AK8: variants seen among roughly 807,000 people sequenced by gnomAD.
AK8 encodes the protein ATP-AMP transphosphorylase 8.
In AK8, 44 loss-of-function variants were observed where a neutral mutation model predicts 54.6. The observed-to-expected ratio is 0.81, with a 90% CI of 0.63 to 1.04. The LOEUF (loss-of-function observed/expected upper bound fraction) is 1.04, where lower values mean the gene tolerates loss of function less well. AK8 is among the 50% of genes least tolerant of loss of function. AK8 has a pLI of 0.00. For synonymous variants in AK8, 239 were observed against 245.6 expected (o/e 0.97, Z 0.25); for missense variants, 555 against 613.6 (o/e 0.90, Z 1.01).
In AK8 at chr9:132,792,660, C is replaced by T; in HGVS notation, c.1095G>A (p.Leu365=). ...TGTTGGGATTGTAGCCCAGGCGGTTCAGCAGGTGTGCCTGGTCGAGGTCCC... is the reference window on the plus strand; with the variant it reads ...TGTTGGGATTGTAGCCCAGGCGGTTTAGCAGGTGTGCCTGGTCGAGGTCCC... ...VPRDLDQAHL[L]NRLGYNPNRV... is the part of the protein sequence containing the mutation. Residue 365 remains leucine, a synonymous_variant, in exon 11 of 13, where the codon CTG becomes CTA. Coordinates refer to ENST00000298545, the MANE Select transcript of AK8 (RefSeq NM_152572.3). 1 of 1,554,708 alleles carries T rather than the reference C, an allele frequency of 6.4e-7. No individual in the cohort carries two copies. Among genetic ancestry groups the T allele is most frequent in the Non-Finnish European group, 8.7e-7 (1 of 1,149,650 alleles).
intron 5 of AK8, among the ~76,000 whole-genome samples, chr9:132,835,186 T>A (rs1842271897): frequency 6.6e-6 from 1 of 152,168 alleles, no homozygotes. Flanking sequence ...GGGTTTTTAT[T>A]AGTTCCTAAA....
chr9:132,833,793 C>T (rs1326228139), intron 5 of AK8, among the ~76,000 whole-genome samples: 2 of 152,272 alleles, frequency 1.3e-5, no homozygotes, highest in Non-Finnish European at 2.9e-5. Context: ...CGGCCTGATG[C>T]GGCACGAGCC....
At chr9:132,852,022 A>G (rs2254289) in intron 5 of AK8, among the ~76,000 whole-genome samples, 114,174 of 152,066 alleles carry the variant, frequency 0.75, 43,171 homozygotes, top group South Asian at 0.86. Context: ...GTAAAAACAC[A>G]GAAAGATACA....
chr9:132,765,299 A>AAAAAAAG (rs1554787867), intron 11 of AK8, among the ~76,000 whole-genome samples: 2 of 144,410 alleles, frequency 1.4e-5, no homozygotes, highest in Non-Finnish European at 3.1e-5. Flanking sequence ...TTTCAAAAAA[A>AAAAAAAG]AAAAAAAAAA....
chr9:132,771,038 G>C (rs1020891664), intron 11 of AK8, among the ~76,000 whole-genome samples: 1 of 152,162 alleles, frequency 6.6e-6, no homozygotes, highest in African/African-American at 2.4e-5. Context: ...TTAGTGCCAG[G>C]GTGACCTGAA....
chr9:132,778,763 T>C (rs1220401538), intron 11 of AK8, among the ~76,000 whole-genome samples: 1 of 152,160 alleles, frequency 6.6e-6, no homozygotes, highest in African/African-American at 2.4e-5. Context: ...CGTTTAAAAT[T>C]GGACATAATT....
At chr9:132,765,438 T>C (rs1250934137) in intron 11 of AK8, among the ~76,000 whole-genome samples, 1 of 151,800 alleles carries the variant, frequency 6.6e-6, no homozygotes, top group Non-Finnish European at 1.5e-5. Context: ...ATCATCTTAA[T>C]AGATGCAGAA....
chr9:132,823,746 C>A, intron 8 of AK8, among the ~76,000 whole-genome samples: 1 of 152,332 alleles, frequency 6.6e-6, no homozygotes, highest in African/African-American at 2.4e-5. Flanking sequence ...ACCGGAAGCC[C>A]CGGAACTAGG....
chr9:132,772,959 C>A (rs1025749547), intron 11 of AK8, among the ~76,000 whole-genome samples: 1 of 152,202 alleles, frequency 6.6e-6, no homozygotes, highest in African/African-American at 2.4e-5. Flanking sequence ...GCTACCTTGT[C>A]CCCCTGCCTA....
rs148618920 is a variant in AK8, at chr9:132,828,088, G to A, written c.485-4C>T. On this transcript the variant is annotated splice_polypyrimidine_tract_variant and splice_region_variant and intron_variant, in intron 6 of 12. Transcript: ENST00000298545. Reference sequence around the variant, plus strand: ...GTGTCTGGAGCACTCAGCACAACTGGGCAGAGAAGAAAAGGAGCAAAACCA... The same window carrying A: ...GTGTCTGGAGCACTCAGCACAACTGAGCAGAGAAGAAAAGGAGCAAAACCA... 0.011 allele frequency: 16,960 copies of A among 1,567,376 alleles called. 163 individuals carry two copies. The highest frequency in any genetic ancestry group is 0.01 in the Non-Finnish European group (11,802 of 1,154,938).
At chr9:132,878,351 C>G, upstream of AK8, 1 of 1,262,656 alleles carries the variant, frequency 7.9e-7, no homozygotes, top group Non-Finnish European at 1.0e-6. The surrounding 1 kb of genome is among the most constrained non-coding windows in gnomAD (Gnocchi z 4.7). Context: ...GCCCTGCAGG[C>G]TCCGCGCCGG....
At chr9:132,821,776 TGTATGTATATACAAATATATACATATATG>T in intron 9 of AK8, among the ~76,000 whole-genome samples, 1 of 141,432 alleles carries the variant, frequency 7.1e-6, no homozygotes, top group African/African-American at 2.6e-5. Context: ...TATGTATATG[TGTATGTATATACAAATATATACATATATG>T]TGTATGTATA....
At chr9:132,821,773 ATGTG>A (rs1564421322) in intron 9 of AK8, among the ~76,000 whole-genome samples, 1 of 141,406 alleles carries the variant, frequency 7.1e-6, no homozygotes, top group African/African-American at 2.6e-5. Context: ...ATATATGTAT[ATGTG>A]TATGTATATA....
At chr9:132,739,770 A>C (rs554180244) in intron 11 of AK8, among the ~76,000 whole-genome samples, 2 of 152,352 alleles carry the variant, frequency 1.3e-5, no homozygotes, top group South Asian at 2.1e-4. Flanking sequence ...TTCTACTAAC[A>C]TGGAAGTCAG....
chr9:132,772,356 AAC>A (rs1306252753), intron 11 of AK8, among the ~76,000 whole-genome samples: 4 of 152,222 alleles, frequency 2.6e-5, no homozygotes, highest in African/African-American at 9.6e-5. Context: ...ACTGTATTTG[AAC>A]ACAGGGCCTT....
At chr9:132,845,973 T>G (rs1429483381) in intron 5 of AK8, among the ~76,000 whole-genome samples, 1 of 152,040 alleles carries the variant, frequency 6.6e-6, no homozygotes, top group Non-Finnish European at 1.5e-5. Flanking sequence ...CTTGTTAGAT[T>G]CTGGAGTGGG....
At chr9:132,730,810 G>C (rs1836807647) in intron 11 of AK8, among the ~76,000 whole-genome samples, 1 of 152,222 alleles carries the variant, frequency 6.6e-6, no homozygotes, top group African/African-American at 2.4e-5. Flanking sequence ...GATTCTCAGA[G>C]GGGTGCTGGT....
intron 11 of AK8, chr9:132,769,049 A>C (rs1318140533): frequency 1.8e-5 from 1 of 54,238 alleles, no homozygotes; most frequent in Non-Finnish European, 3.6e-5. Flanking sequence ...GAGGAGGGCC[A>C]GGGGCAAGTA....
At chr9:132,821,185 G>A (rs1353545272) in intron 9 of AK8, among the ~76,000 whole-genome samples, 2 of 151,324 alleles carry the variant, frequency 1.3e-5, no homozygotes, top group African/African-American at 2.4e-5. Flanking sequence ...AGAGCACCGA[G>A]ACAATTATTT....
Sources: gnomAD v4.1 joint callset for allele counts (sites outside exome capture counted in the v4.1 genomes callset) on GRCh38, gnomAD v4.1.1 for gene constraint, Gnocchi (gnomAD v3.1) non-coding constraint, MANE v1.5 for transcripts, NCBI Gene and HGNC (gene_info 2026-07-23, HGNC 2026-07-21) for gene names.